GRIA4: variants seen among roughly 807,000 people sequenced by gnomAD.
GRIA4 encodes glutamate receptor 4.
A neutral mutation model predicts 104.0 loss-of-function variants in GRIA4; 34 were observed. The observed-to-expected ratio is 0.33, with a 90% CI of 0.25 to 0.44. GRIA4 has a LOEUF of 0.44. GRIA4 is among the 20% of genes least tolerant of loss of function. The pLI, the probability that GRIA4 is intolerant of heterozygous loss-of-function variation, is 1.00. For synonymous variants in GRIA4, 386 were observed against 381.9 expected (o/e 1.01, Z -0.13); for missense variants, 750 against 1,096.5 (o/e 0.68, Z 4.46).
intron 14 of GRIA4, among the ~76,000 whole-genome samples, chr11:105,934,253 T>C (rs931252167): frequency 6.6e-6 from 1 of 152,070 alleles, no homozygotes; most frequent in Non-Finnish European, 1.5e-5. Context: ...TATGCTTCTT[T>C]ATATCTCATC....
chr11:105,635,572 T>G (rs1406560279), intron 3 of GRIA4, among the ~76,000 whole-genome samples: 1 of 152,058 alleles, frequency 6.6e-6, no homozygotes, highest in Admixed American at 6.6e-5. Context: ...CTCACAGGGG[T>G]GAGTCTTGTC....
At chr11:105,976,172 T>G in intron 16 of GRIA4, among the ~76,000 whole-genome samples, 1 of 152,058 alleles carries the variant, frequency 6.6e-6, no homozygotes, top group East Asian at 1.9e-4. Context: ...TAAGATGTCC[T>G]TACTAGATTT....
chr11:105,934,077 T>C, intron 14 of GRIA4, 108 bp downstream of exon 14: 1 of 946,648 alleles, frequency 1.1e-6, no homozygotes, highest in East Asian at 2.6e-5. Context: ...GTATGTTTGT[T>C]TGTTTGTTTT....
intron 5 of GRIA4, 85 bp downstream of exon 5, chr11:105,862,293 T>TC: frequency 1.4e-6 from 1 of 720,634 alleles, no homozygotes; most frequent in South Asian, 1.8e-5. Context: ...CAACATCTTC[T>TC]CCCAGCTTTT....
intron 4 of GRIA4, among the ~76,000 whole-genome samples, chr11:105,842,468 C>T (rs933544947): frequency 2.0e-5 from 3 of 152,116 alleles, no homozygotes; most frequent in African/African-American, 7.2e-5. Flanking sequence ...GGGACTTGTA[C>T]TAGGACAACA....
intron 4 of GRIA4, among the ~76,000 whole-genome samples, chr11:105,806,763 G>A (rs905744648): frequency 2.0e-5 from 3 of 151,100 alleles, no homozygotes; most frequent in Non-Finnish European, 3.0e-5. Context: ...AAAAAAGTCC[G>A]AACACTTTAA....
intron 5 of GRIA4, among the ~76,000 whole-genome samples, chr11:105,876,845 G>C (rs1297667720): frequency 6.6e-6 from 1 of 152,130 alleles, no homozygotes; most frequent in Non-Finnish European, 1.5e-5. Context: ...ACAGCACACC[G>C]ATGGGTCTTG....
chr11:105,746,256 C>T (rs990745979), intron 3 of GRIA4, among the ~76,000 whole-genome samples: 1 of 151,878 alleles, frequency 6.6e-6, no homozygotes, highest in Non-Finnish European at 1.5e-5. Flanking sequence ...ATGATACTAT[C>T]CCTAAAAATA....
intron 5 of GRIA4, among the ~76,000 whole-genome samples, chr11:105,881,120 C>T (rs1384440832): frequency 1.3e-5 from 2 of 152,096 alleles, no homozygotes; most frequent in Non-Finnish European, 2.9e-5. Context: ...GGGTTAATTC[C>T]ATTTGGAATG....
rs192973276 is a variant in GRIA4, at chr11:105,865,960, T to C, written c.672+3752T>C. Among the ~76,000 whole-genome samples, 600 of 152,280 alleles carry C rather than the reference T, an allele frequency of 3.9e-3. 3 individuals are homozygous for C. The highest frequency in any genetic ancestry group is 0.013 in the African/African-American group (551 of 41,558). On this transcript the variant is annotated intron_variant, in intron 5 of 16. Coordinates refer to ENST00000282499, the MANE Select transcript of GRIA4 (RefSeq NM_000829.4). Reference sequence around the variant, plus strand: ...TCCTGTTAGTGAAACCCTATTCCCATGAACTCCCAACTCTGATCCTCTGGA... The same window carrying C: ...TCCTGTTAGTGAAACCCTATTCCCACGAACTCCCAACTCTGATCCTCTGGA...
At chr11:105,827,788 A>G (rs1037048122) in intron 4 of GRIA4, among the ~76,000 whole-genome samples, 7 of 152,192 alleles carry the variant, frequency 4.6e-5, no homozygotes, top group African/African-American at 1.7e-4. Context: ...AAGTCTCCTT[A>G]CATTTTATTA....
intron 10 of GRIA4, among the ~76,000 whole-genome samples, chr11:105,918,087 T>C (rs1947461091): frequency 6.6e-6 from 1 of 152,100 alleles, no homozygotes; most frequent in Non-Finnish European, 1.5e-5. Context: ...AAAGCCAAAA[T>C]ACTGGACAAC....
Position 105,673,042 on chromosome 11 carries a change from C to T in GRIA4, c.247+60608C>T, listed in dbSNP as rs1051485319. On this transcript the variant is annotated intron_variant, in intron 3 of 16. Coordinates refer to ENST00000282499, the MANE Select transcript of GRIA4 (RefSeq NM_000829.4). ...TGATTAAACCATTATAACCTATTCCCTATGCTCTTAGAGTAAACTCTAAAC... is the reference window on the plus strand; with the variant it reads ...TGATTAAACCATTATAACCTATTCCTTATGCTCTTAGAGTAAACTCTAAAC... Among the ~76,000 whole-genome samples the T allele has an allele frequency of 2.6e-5, 4 of 152,182 alleles. No homozygotes were observed. The South Asian group carries it at 8.3e-4, about 32-fold the overall frequency.
chr11:105,633,518 T>G (rs1039109457), intron 3 of GRIA4, among the ~76,000 whole-genome samples: 3 of 152,208 alleles, frequency 2.0e-5, no homozygotes, highest in East Asian at 3.9e-4. Flanking sequence ...CAAATGTGCA[T>G]TATTATTCAA....
chr11:105,661,985 A>G (rs1319542276), intron 3 of GRIA4, among the ~76,000 whole-genome samples: 1 of 129,050 alleles, frequency 7.7e-6, no homozygotes, highest in Non-Finnish European at 1.6e-5. Context: ...CCTTCAATGA[A>G]GAAAACTGTG....
intron 6 of GRIA4, among the ~76,000 whole-genome samples, chr11:105,888,271 C>CTTTTCTTTT (rs1946341463): frequency 1.8e-5 from 1 of 54,560 alleles, no homozygotes; most frequent in Admixed American, 3.5e-4. Flanking sequence ...ATGTTTTCTC[C>CTTTTCTTTT]TTTTTTTTTT....
intron 5 of GRIA4, among the ~76,000 whole-genome samples, chr11:105,867,938 C>T (rs958807649): frequency 2.6e-5 from 4 of 152,282 alleles, no homozygotes; most frequent in East Asian, 1.9e-4. Flanking sequence ...ATTCATTCAA[C>T]GTCTGCATGC....
At chr11:105,971,730 G>C (rs1487563280) in intron 14 of GRIA4, among the ~76,000 whole-genome samples, 184 bp from the exon 15 acceptor site, 1 of 152,138 alleles carries the variant, frequency 6.6e-6, no homozygotes, top group Non-Finnish European at 1.5e-5. Flanking sequence ...GTATGTGCCT[G>C]TTACCTAAAG....
intron 4 of GRIA4, among the ~76,000 whole-genome samples, chr11:105,815,440 G>A (rs556804257): frequency 6.6e-6 from 1 of 152,188 alleles, no homozygotes; most frequent in East Asian, 1.9e-4. Flanking sequence ...AGATGGGAAT[G>A]TTTCCCTTCC....
Sources: gnomAD v4.1 joint callset for allele counts (sites outside exome capture counted in the v4.1 genomes callset) on GRCh38, gnomAD v4.1.1 for gene constraint, MANE v1.5 for transcripts, NCBI Gene and HGNC (gene_info 2026-07-23, HGNC 2026-07-21) for gene names.